Variants in RUNX1T1 observed in about 807,000 individuals in gnomAD.
The protein encoded by RUNX1T1 is protein CBFA2T1.
A neutral mutation model predicts 62.8 loss-of-function variants in RUNX1T1; 4 were observed. The ratio of observed to expected loss-of-function variants is 0.06; its 90% confidence interval spans 0.03 to 0.15. The LOEUF (loss-of-function observed/expected upper bound fraction) is 0.15, where lower values mean the gene tolerates loss of function less well. Among genes scored for constraint, RUNX1T1 ranks in the 10% least tolerant of loss-of-function variants. The pLI, the probability that RUNX1T1 is intolerant of heterozygous loss-of-function variation, is 1.00. For synonymous variants in RUNX1T1, 291 were observed against 286.0 expected (o/e 1.02, Z -0.18); for missense variants, 508 against 754.3 (o/e 0.67, Z 3.82).
intron 1 of RUNX1T1, among the ~76,000 whole-genome samples, chr8:92,048,627 A>G (rs938891576): frequency 6.6e-6 from 1 of 152,040 alleles, no homozygotes; most frequent in East Asian, 1.9e-4. Context: ...ACAGAACCAT[A>G]TATTTGACAC....
chr8:92,014,408 A>G (rs1374024627), intron 3 of RUNX1T1, among the ~76,000 whole-genome samples, 171 bp downstream of exon 4: 4 of 152,176 alleles, frequency 2.6e-5, no homozygotes, highest in Non-Finnish European at 5.9e-5. Flanking sequence ...GTCAATATAT[A>G]ATGCAGAATT....
intron 1 of RUNX1T1, among the ~76,000 whole-genome samples, chr8:92,088,876 CAT>C (rs1446058381): frequency 6.6e-6 from 1 of 152,194 alleles, no homozygotes; most frequent in Non-Finnish European, 1.5e-5. Context: ...ATTTCTCTGA[CAT>C]AATATTCAAC....
chr8:92,024,549 T>C (rs893842751), intron 1 of RUNX1T1, among the ~76,000 whole-genome samples: 1 of 134,438 alleles, frequency 7.4e-6, no homozygotes, highest in Non-Finnish European at 1.6e-5. Context: ...AGCATCAAGA[T>C]ATCCTCCTAA....
At position 92,015,380 on chromosome 8, in the gene RUNX1T1, T is replaced by C. The variant is rs563392504; in HGVS notation, c.146-560A>G. 1.1e-4 allele frequency among the ~76,000 whole-genome samples: 16 copies of C among 152,306 alleles called. No homozygotes were observed. In the South Asian group the frequency reaches 3.3e-3, roughly 32 times the overall value. On this transcript the variant is annotated intron_variant, in intron 2 of 10. Transcript: ENST00000396218. The stretch of plus-strand genomic sequence containing the variant: ...CTCCCCCTCATACTTCTTAACCACT[T>C]CTTTAGGAAAAATGCATATTTTATG...
At chr8:92,074,687 C>A (rs748088982) in intron 2 of RUNX1T1, among the ~76,000 whole-genome samples, 18 of 152,160 alleles carry the variant, frequency 1.2e-4, no homozygotes, top group Non-Finnish European at 2.6e-4. Flanking sequence ...GATCTGAGTT[C>A]TCAAAAAACC....
intron 1 of RUNX1T1, among the ~76,000 whole-genome samples, chr8:92,035,490 A>G (rs1182475498): frequency 1.3e-5 from 2 of 151,896 alleles, no homozygotes; most frequent in Admixed American, 6.6e-5. Context: ...TACACTCTAA[A>G]TACATAAAAA....
At chr8:92,062,969 A>T, upstream of RUNX1T1, 1 of 1,211,520 alleles carries the variant, frequency 8.3e-7, no homozygotes, top group Non-Finnish European at 1.0e-6. Flanking sequence ...ATTCACCACC[A>T]CCCCCATCCT....
Position 92,075,955 on chromosome 8 carries a change from T to C in RUNX1T1, c.88+10A>G. ...AAATTGCAAAATCAAAATATTTGTC[T>C]GTTCCTTACCTTGACAATATTCAAA... On this transcript the variant is annotated intron_variant, in intron 2 of 11. Coordinates refer to the RUNX1T1 transcript ENST00000265814. The C allele has an allele frequency of 6.3e-7, 1 of 1,599,774 alleles. No individual in the cohort carries two copies. Among genetic ancestry groups the C allele is most frequent in the Non-Finnish European group, 8.5e-7 (1 of 1,175,576 alleles).
chr8:92,060,552 T>TATA lies in RUNX1T1; in HGVS notation c.7+1993_7+1994insTAT, dbSNP rs1563872414. On this transcript the variant is annotated intron_variant, in intron 1 of 10. Coordinates refer to ENST00000396218, the Ensembl canonical transcript of RUNX1T1. Reference sequence around the variant, plus strand: ...ATATATATATATATATATATATATATATGTGTGTGTGTGTGTGTGTGTGTG... The same window carrying TATA: ...ATATATATATATATATATATATATATATAATGTGTGTGTGTGTGTGTGTGTGTG... Among the ~76,000 whole-genome samples, 16 of 120,512 alleles carry TATA rather than the reference T, an allele frequency of 1.3e-4. No homozygotes were observed. The South Asian group carries it at 4.0e-3, about 30-fold the overall frequency. 79.1% of individuals were successfully genotyped at this position (120,512 alleles called of 152,430 possible).
chr8:91,958,728 C>CAAAAAAAAAAAAAAAAAAAAAAAAAA, downstream of RUNX1T1: 1 of 128,958 alleles, frequency 7.8e-6, no homozygotes, highest in Non-Finnish European at 1.6e-5. Flanking sequence ...AGAATTTGCT[C>CAAAAAAAAAAAAAAAAAAAAAAAAAA]AAAAAAAAAA....
Position 92,076,151 on chromosome 8 carries a change from CA to C in RUNX1T1, c.-85-15del. On this transcript the variant is annotated splice_polypyrimidine_tract_variant and intron_variant, in intron 1 of 11. Transcript: ENST00000265814. ...GATCAATCTTTTCTATTGACAACAA[CA>C]AAGGGAAAAAAAATGCATATATCAC... The C allele has an allele frequency of 1.3e-6, 2 of 1,497,604 alleles. No homozygotes were observed. Among genetic ancestry groups the C allele is most frequent in the Non-Finnish European group, 1.8e-6 (2 of 1,131,830 alleles). The allele number at this position is 1,497,604 out of a possible 1,614,324, so 92.8% of individuals were successfully genotyped here. A position where few individuals can be genotyped will look rare whatever the true frequency, so the allele number is the denominator to read the frequency against.
chr8:92,056,207 T>C (rs1018459441), intron 1 of RUNX1T1, among the ~76,000 whole-genome samples: 7 of 152,096 alleles, frequency 4.6e-5, no homozygotes, highest in East Asian at 3.9e-4. Context: ...AGCACAGCAA[T>C]TGTCTTTTTT....
chr8:92,089,795 A>G (rs1456842574), intron 1 of RUNX1T1, among the ~76,000 whole-genome samples: 2 of 152,110 alleles, frequency 1.3e-5, no homozygotes, highest in Non-Finnish European at 2.9e-5. Flanking sequence ...AGCTATGGAA[A>G]GAATGGCTCC....
chr8:92,034,135 C>G (rs879513090), intron 1 of RUNX1T1, among the ~76,000 whole-genome samples: 1 of 151,950 alleles, frequency 6.6e-6, no homozygotes, highest in African/African-American at 2.4e-5. Flanking sequence ...TGAACACACA[C>G]GAGTAGAAAA....
chr8:92,093,478 A>C, intron 1 of RUNX1T1, among the ~76,000 whole-genome samples: 1 of 152,210 alleles, frequency 6.6e-6, no homozygotes, highest in East Asian at 1.9e-4. Flanking sequence ...TACACATATT[A>C]ATCTATATAA....
intron 1 of RUNX1T1, among the ~76,000 whole-genome samples, chr8:92,087,419 C>T (rs1259309921): frequency 2.0e-5 from 3 of 152,144 alleles, no homozygotes; most frequent in African/African-American, 7.2e-5. Flanking sequence ...ATCTAGGCTT[C>T]TGCATTCCCT....
At chr8:91,967,698 C>A (rs1811936516) in intron 10 of RUNX1T1, among the ~76,000 whole-genome samples, 1 of 152,160 alleles carries the variant, frequency 6.6e-6, no homozygotes, top group Non-Finnish European at 1.5e-5. Flanking sequence ...GAACTCTGGT[C>A]TTCTGATCGC....
At chr8:91,975,819 C>T in intron 9 of RUNX1T1, 86 bp downstream of exon 10, 2 of 848,254 alleles carry the variant, frequency 2.4e-6, no homozygotes, top group South Asian at 3.0e-5. Context: ...GCAGTAAAGT[C>T]CTTTCTTGTC....
chr8:92,070,687 T>G (rs1833539664), intron 2 of RUNX1T1, among the ~76,000 whole-genome samples: 1 of 152,270 alleles, frequency 6.6e-6, no homozygotes. Flanking sequence ...CTCTATTCTT[T>G]GCAAAGGACA....
Sources: allele counts gnomAD v4.1 joint callset (sites outside exome capture counted in the v4.1 genomes callset), GRCh38; gene constraint gnomAD v4.1.1; transcripts MANE v1.5; gene names NCBI Gene and HGNC (gene_info 2026-07-23, HGNC 2026-07-21).